Variants in EEF1G observed in about 807,000 individuals in gnomAD.
The protein encoded by EEF1G is elongation factor 1-gamma.
A neutral mutation model predicts 58.3 loss-of-function variants in EEF1G; 14 were observed. The observed-to-expected ratio is 0.24, with a 90% CI of 0.16 to 0.38. EEF1G has a LOEUF of 0.38. Among genes scored for constraint, EEF1G ranks in the 10% least tolerant of loss-of-function variants. The probability of loss-of-function intolerance (pLI) is 1.00; values close to 1 mark genes in which losing one functional copy is unlikely to be tolerated. For synonymous variants in EEF1G, 180 were observed against 206.8 expected (o/e 0.87, Z 1.11); for missense variants, 322 against 550.1 (o/e 0.59, Z 4.15).
intron 6 of EEF1G, 148 bp from the exon 7 acceptor site, chr11:62,567,158 G>A: frequency 1.0e-6 from 1 of 954,678 alleles, no homozygotes; most frequent in Non-Finnish European, 1.6e-6. Context: ...TCAGTTCACT[G>A]TGTGTCCTCC....
intron 7 of EEF1G, among the ~76,000 whole-genome samples, chr11:62,566,209 C>T (rs890083898): frequency 6.6e-6 from 1 of 152,150 alleles, no homozygotes; most frequent in Non-Finnish European, 1.5e-5. Context: ...TTCCAAGAAG[C>T]CCTACCTTTA....
rs1164879867 is a variant in EEF1G, at chr11:62,563,543, A to T, written c.858-3089T>A. On this transcript the variant is annotated intron_variant, in intron 7 of 9. Coordinates refer to ENST00000329251, the MANE Select transcript of EEF1G (RefSeq NM_001404.5). The stretch of plus-strand genomic sequence containing the variant: ...ACACCGGACTAAGCAACATAGCAAG[A>T]CCCTACCTCAAAAACAGAATTCTTT... Among the ~76,000 whole-genome samples the T allele has an allele frequency of 3.3e-5, 5 of 152,324 alleles. No individual in the cohort carries two copies. The South Asian group carries it at 1.0e-3, about 32-fold the overall frequency.
At chr11:62,561,378 T>C (rs373526709) in intron 7 of EEF1G, among the ~76,000 whole-genome samples, 2 of 137,556 alleles carry the variant, frequency 1.5e-5, no homozygotes, top group South Asian at 4.6e-4. Context: ...GAGTCCTGTC[T>C]GGGGGGAAAA....
intron 6 of EEF1G, 150 bp downstream of exon 6, chr11:62,567,249 C>A: frequency 2.6e-6 from 3 of 1,134,270 alleles, no homozygotes; most frequent in South Asian, 1.6e-5. Context: ...TGAGTGTACA[C>A]GAAACTGCAC....
At chr11:62,570,429 A>C (rs1941613690) in intron 5 of EEF1G, among the ~76,000 whole-genome samples, 1 of 152,148 alleles carries the variant, frequency 6.6e-6, no homozygotes, top group East Asian at 1.9e-4. Flanking sequence ...AAGAATAACC[A>C]ATCTTCCCAG....
chr11:62,563,034 C>A (rs1239881184), intron 7 of EEF1G, among the ~76,000 whole-genome samples: 3 of 151,366 alleles, frequency 2.0e-5, no homozygotes, highest in Non-Finnish European at 2.9e-5. Flanking sequence ...TGCTTGAGTC[C>A]GGGAGGCAGA....
In EEF1G at chr11:62,572,958, G is replaced by C. The variant is rs1309264360; in HGVS notation, c.13-216C>G. ...CACCAACTGCTAAATAAAGCTTGTTGACAGATTTGACCTTCCCTAAGGACA... is the reference window on the plus strand; with the variant it reads ...CACCAACTGCTAAATAAAGCTTGTTCACAGATTTGACCTTCCCTAAGGACA... On this transcript the variant is annotated intron_variant, in intron 1 of 9. Transcript: ENST00000329251. 5 of 419,528 alleles carry C rather than the reference G, an allele frequency of 1.2e-5. No individual in the cohort carries two copies. In the Admixed American group the frequency reaches 2.0e-4, roughly 17 times the overall value. 26.0% of individuals were successfully genotyped at this position (419,528 alleles called of 1,614,324 possible).
intron 5 of EEF1G, 142 bp from the exon 6 acceptor site, chr11:62,567,670 C>T: frequency 1.3e-6 from 1 of 784,838 alleles, no homozygotes; most frequent in Non-Finnish European, 1.8e-6. Flanking sequence ...ACAACATCAT[C>T]CTTCCCTGGA....
intron 5 of EEF1G, 149 bp from the exon 6 acceptor site, chr11:62,567,677 T>A: frequency 1.4e-6 from 1 of 736,726 alleles, no homozygotes; most frequent in Non-Finnish European, 2.0e-6. Context: ...CATCCTTCCC[T>A]GGATTACTTC....
chr11:62,572,543 G>T, intron 2 of EEF1G, 41 bp downstream of exon 2: 1 of 1,609,274 alleles, frequency 6.2e-7, no homozygotes, highest in Non-Finnish European at 8.5e-7. Flanking sequence ...CAGGGCCTTG[G>T]TTTCTCAGAA....
At chr11:62,568,950 G>A (rs529712262) in intron 5 of EEF1G, among the ~76,000 whole-genome samples, 76 of 151,722 alleles carry the variant, frequency 5.0e-4, no homozygotes, top group African/African-American at 1.8e-3. Flanking sequence ...TCCAGCCTGG[G>A]GGACAAGAGC....
At position 62,559,662 on chromosome 11, in the gene EEF1G, G is replaced by A. The variant is rs539625029; in HGVS notation, c.*17C>T. 2.6e-5 allele frequency: 42 copies of A among 1,613,292 alleles called. No homozygotes were observed. Among genetic ancestry groups the A allele is most frequent in the South Asian group, 1.2e-4 (11 of 91,004 alleles). ...CTGAAGGGCAGGTGCAGGCAGCTAG[G>A]TGATGGCAAGAGATGTTCACTTGAA... On this transcript the variant is annotated 3_prime_UTR_variant, in exon 10 of 10. Coordinates refer to ENST00000329251, the MANE Select transcript of EEF1G (RefSeq NM_001404.5).
chr11:62,566,573 T>C (rs551617349), intron 7 of EEF1G, among the ~76,000 whole-genome samples: 2 of 152,396 alleles, frequency 1.3e-5, no homozygotes, highest in Non-Finnish European at 2.9e-5. Flanking sequence ...TTTGTTGGAA[T>C]AGGAGTTCAA....
At chr11:62,562,368 G>A (rs975195158) in intron 7 of EEF1G, among the ~76,000 whole-genome samples, 17 of 151,988 alleles carry the variant, frequency 1.1e-4, no homozygotes, top group African/African-American at 3.1e-4. Context: ...TCTCTAACTC[G>A]CTCAGGTACA....
At chr11:62,569,807 G>GT (rs1941604594) in intron 5 of EEF1G, among the ~76,000 whole-genome samples, 1 of 151,500 alleles carries the variant, frequency 6.6e-6, no homozygotes, top group African/African-American at 2.5e-5. Context: ...TGCAGTAAGT[G>GT]TTTTTTCTTT....
At position 62,571,031 on chromosome 11, in the gene EEF1G, C is replaced by T. The variant is rs1941623843; in HGVS notation, c.456G>A (p.Leu152=). 1 of 1,613,950 alleles carries T rather than the reference C, an allele frequency of 6.2e-7. No homozygotes were observed. Among genetic ancestry groups the T allele is most frequent in the Non-Finnish European group, 8.5e-7 (1 of 1,179,884 alleles). The change falls in exon 5 of 10, where the codon CTG becomes CTA. Residue 152 remains leucine (L), a synonymous_variant. Coordinates refer to ENST00000329251, the MANE Select transcript of EEF1G (RefSeq NM_001404.5). The stretch of plus-strand genomic sequence containing the variant: ...CAGCCAATGTCACTCGTTCGCCCAC[C>T]AGAAAAGTCCTCGTCTTCAAGTAAG... ...LDAYLKTRTF[L]VGERVTLADI...
intron 4 of EEF1G, 62 bp downstream of exon 4, chr11:62,571,478 C>T (rs1312042769): frequency 6.5e-6 from 10 of 1,527,988 alleles, no homozygotes; most frequent in Non-Finnish European, 7.9e-6. Flanking sequence ...ATTTCTTACT[C>T]CCAACACCCA....
At chr11:62,570,786 C>A (rs1941617933) in intron 5 of EEF1G, among the ~76,000 whole-genome samples, 179 bp downstream of exon 5, 1 of 152,128 alleles carries the variant, frequency 6.6e-6, no homozygotes, top group Non-Finnish European at 1.5e-5. Context: ...AAACTCCTGA[C>A]CTCAGGTGAT....
Position 62,560,404 on chromosome 11 carries a change from A to T in EEF1G, c.908T>A (p.Leu303His), listed in dbSNP as rs574398844. 1.0e-4 allele frequency: 165 copies of T among 1,609,926 alleles called. No individual in the cohort carries two copies. Among genetic ancestry groups the T allele is most frequent in the Middle Eastern group, 3.3e-4 (2 of 6,080 alleles). Reference sequence around the variant, plus strand: ...CCAGAAATATGGCAGTGCCACAGAGAGTGTGTCCTCATTGGAGTACTTGCG... The same window carrying T: ...CCAGAAATATGGCAGTGCCACAGAGTGTGTGTCCTCATTGGAGTACTTGCG... ...FKRKYSNEDT[L>H]SVALPYFWEH... The change falls in exon 8 of 10, where the codon CTC becomes CAC. Residue 303 changes from leucine to histidine, a missense_variant. Physicochemically the swap from Leu to His is moderately conservative, Grantham distance 99 (BLOSUM62 -3). This residue lies in a region of EEF1G where 208 missense variants were observed against 323.7 expected (regional missense o/e 0.64). Transcript: ENST00000329251.
Sources: gnomAD v4.1 joint callset for allele counts (sites outside exome capture counted in the v4.1 genomes callset) on GRCh38, gnomAD v4.1.1 for gene constraint, gnomAD v4.1.1 regional missense constraint, MANE v1.5 for transcripts, NCBI Gene and HGNC (gene_info 2026-07-23, HGNC 2026-07-21) for gene names.